SV2B: variants seen among roughly 807,000 people sequenced by gnomAD.
SV2B encodes synaptic vesicle glycoprotein 2B, also known as solute carrier family 22 member B2.
A neutral mutation model predicts 73.9 loss-of-function variants in SV2B; 41 were observed. That is an observed-to-expected ratio of 0.56 (90% CI 0.43 to 0.72). SV2B has a LOEUF of 0.72. Ranked by LOEUF, SV2B falls within the 30% of genes least tolerant of loss-of-function variation. SV2B has a pLI of 0.00. For missense variants in SV2B, 764 were observed against 857.8 expected (o/e 0.89, Z 1.37); for synonymous variants, 314 against 314.2 (o/e 1.00, Z 0.01).
intron 9 of SV2B, among the ~76,000 whole-genome samples, chr15:91,277,258 T>C (rs764371598): frequency 1.3e-4 from 20 of 152,326 alleles, no homozygotes; most frequent in Non-Finnish European, 2.2e-4. Flanking sequence ...GTTAAGAAAA[T>C]CTAGGCAGTA....
chr15:91,127,382 T>C (rs1293127975), intron 1 of SV2B, among the ~76,000 whole-genome samples: 1 of 151,920 alleles, frequency 6.6e-6, no homozygotes, highest in African/African-American at 2.4e-5. Context: ...GCCCTTTGTG[T>C]GGCTGTTCCA....
intron 1 of SV2B, among the ~76,000 whole-genome samples, chr15:91,154,073 A>G (rs1412050760): frequency 6.7e-6 from 1 of 149,568 alleles, no homozygotes; most frequent in African/African-American, 2.4e-5. Context: ...GTCTCTTTAT[A>G]TTATTTTATA....
chr15:91,263,809 C>T (rs1282962263), intron 6 of SV2B, among the ~76,000 whole-genome samples: 2 of 152,228 alleles, frequency 1.3e-5, no homozygotes, highest in South Asian at 2.1e-4. Flanking sequence ...GCAGCCTTCT[C>T]CTTCCTTTCT....
At position 91,223,522 on chromosome 15, in the gene SV2B, T is replaced by G. The variant is rs1036383451; in HGVS notation, c.-391-2351T>G. 2.0e-5 allele frequency among the ~76,000 whole-genome samples: 3 copies of G among 152,084 alleles called. No homozygotes were observed. The highest frequency in any genetic ancestry group is 2.0e-4 in the Admixed American group (3 of 15,278). On this transcript the variant is annotated intron_variant, in intron 1 of 12. Transcript: ENST00000394232. The surrounding 1 kb of genome is among the most constrained non-coding windows in gnomAD (Gnocchi z 4.6). ...CTGGGTGGTGAGTCCCACAAGTGCT[T>G]TTGGAATTGCAAGTCTATCATTTCT...
chr15:91,256,627 A>G (rs904165129), intron 4 of SV2B, among the ~76,000 whole-genome samples: 1 of 152,224 alleles, frequency 6.6e-6, no homozygotes, highest in Non-Finnish European at 1.5e-5. Flanking sequence ...TTTAATTAAA[A>G]TTAAAGTGAA....
intron 1 of SV2B, among the ~76,000 whole-genome samples, chr15:91,111,903 A>G (rs2042045376): frequency 1.3e-5 from 2 of 152,166 alleles, no homozygotes; most frequent in Admixed American, 6.5e-5. Flanking sequence ...TTAAGTGATT[A>G]GATCTCATGA....
In SV2B at chr15:91,192,787, C is replaced by T. The variant is rs148455926; in HGVS notation, c.-391-33086C>T. ...TCGTAGTGGACAGATGAATGACTTT[C>T]AGTAACTTCTTTTTACGATGCAGAC... is the stretch of plus-strand genomic sequence containing the variant. On this transcript the variant is annotated intron_variant, in intron 1 of 12. Transcript: ENST00000394232. Among the ~76,000 whole-genome samples, 173 of 152,288 alleles carry T rather than the reference C, an allele frequency of 1.1e-3. No homozygotes were observed. The East Asian group carries it at 0.03, about 26-fold the overall frequency.
Position 91,171,000 on chromosome 15 carries a change from G to A in SV2B, c.-391-54873G>A, listed in dbSNP as rs149566720. Among the ~76,000 whole-genome samples the A allele has an allele frequency of 3.9e-3, 596 of 152,264 alleles. 3 individuals are homozygous for A. The highest frequency in any genetic ancestry group is 0.014 in the Middle Eastern group (4 of 294). On this transcript the variant is annotated intron_variant, in intron 1 of 12. Coordinates refer to ENST00000394232, the MANE Select transcript of SV2B (RefSeq NM_001323032.3). Reference sequence around the variant, plus strand: ...GGTGCCATTGCACATTTAAGTCTTCGCAGCAGCTCTGTCCATTTTGCAGAT... The same window carrying A: ...GGTGCCATTGCACATTTAAGTCTTCACAGCAGCTCTGTCCATTTTGCAGAT...
Position 91,220,590 on chromosome 15 carries a change from A to G in SV2B, c.-391-5283A>G, listed in dbSNP as rs117179985. On this transcript the variant is annotated intron_variant, in intron 1 of 12. Coordinates refer to ENST00000394232, the MANE Select transcript of SV2B (RefSeq NM_001323032.3). The surrounding 1 kb of genome is among the most constrained non-coding windows in gnomAD (Gnocchi z 4.1). The stretch of plus-strand genomic sequence containing the variant: ...GTAATAAGCAAGAGTTTGCTGCACA[A>G]TGATTTTGAGTCATATAGCATAGAT... Among the ~76,000 whole-genome samples the G allele has an allele frequency of 8.4e-4, 128 of 152,352 alleles. 1 individual carries two copies. Among genetic ancestry groups the G allele is most frequent in the Non-Finnish European group, 1.5e-3 (103 of 68,030 alleles).
intron 1 of SV2B, among the ~76,000 whole-genome samples, chr15:91,101,237 T>A (rs954529145): frequency 1.3e-5 from 2 of 150,166 alleles, no homozygotes; most frequent in Admixed American, 6.6e-5. Flanking sequence ...GAGTGGCAGG[T>A]GAGGGGTAAG....
rs2048762842 is a variant in SV2B, at chr15:91,283,829, A to AT, written c.1508-187dup. 1.5e-5 allele frequency among the ~76,000 whole-genome samples: 2 copies of AT among 133,742 alleles called. No homozygotes were observed. The highest frequency in any genetic ancestry group is 1.4e-4 in the Admixed American group (2 of 14,030). The allele number at this position is 133,742 out of a possible 152,430, so 87.7% of individuals were successfully genotyped here. A position where few individuals can be genotyped will look rare whatever the true frequency, so the allele number is the denominator to read the frequency against. On this transcript the variant is annotated intron_variant, in intron 10 of 12. Transcript: ENST00000394232. The surrounding 1 kb of genome is among the most constrained non-coding windows in gnomAD (Gnocchi z 4.3). ...TTTAGGAACTTGAACAGGTCATTAC[A>AT]TTTTTGGAAGTTTCTCTCCTCATCC...
chr15:91,279,073 A>G (rs2048598757), intron 9 of SV2B, among the ~76,000 whole-genome samples: 1 of 152,190 alleles, frequency 6.6e-6, no homozygotes, highest in African/African-American at 2.4e-5. Flanking sequence ...TCTGGAATAC[A>G]TGTCCTTATC....
rs985093596 is a variant in SV2B at position 91,128,576 on chromosome 15, T to G, written c.-392+28213T>G. 4 of 152,176 alleles carry G rather than the reference T, an allele frequency of 2.6e-5. No homozygotes were observed. The highest frequency in any genetic ancestry group is 2.6e-4 in the Admixed American group (4 of 15,278). 9.4% of individuals were successfully genotyped at this position (152,176 alleles called of 1,614,324 possible). A position where few individuals can be genotyped will look rare whatever the true frequency, so the allele number is the denominator to read the frequency against. ...GGCTAGCCATAGAAACTAGAATCCT[T>G]CTTTCCCAGGGCAGATCATAGAAAC... On this transcript the variant is annotated intron_variant, in intron 1 of 12. Coordinates refer to ENST00000394232, the MANE Select transcript of SV2B (RefSeq NM_001323032.3). This position sits in a 1 kb window ranked among gnomAD's most constrained non-coding sequence, Gnocchi z 4.2.
At chr15:91,120,368 A>AC (rs1322912909) in intron 1 of SV2B, among the ~76,000 whole-genome samples, 1 of 152,138 alleles carries the variant, frequency 6.6e-6, no homozygotes, top group East Asian at 1.9e-4. Flanking sequence ...TATCGTGAAA[A>AC]CAGCATGGGG....
At chr15:91,221,456 AT>A (rs899295201) in intron 1 of SV2B, among the ~76,000 whole-genome samples, 3 of 151,998 alleles carry the variant, frequency 2.0e-5, no homozygotes, top group African/African-American at 4.8e-5. Context: ...CTGAAAAAAT[AT>A]TTTTTTTAAA....
At chr15:91,287,379 C>T (rs112830855) in intron 11 of SV2B, among the ~76,000 whole-genome samples, 27 of 152,272 alleles carry the variant, frequency 1.8e-4, no homozygotes, top group African/African-American at 4.8e-4. Context: ...CCCTGTGTCC[C>T]GGTTGGTTGT....
intron 2 of SV2B, among the ~76,000 whole-genome samples, chr15:91,238,168 T>A (rs1420072488): frequency 1.3e-5 from 2 of 152,358 alleles, no homozygotes; most frequent in East Asian, 3.9e-4. Context: ...CTGTCTTATA[T>A]AACCTGTTCC....
intron 1 of SV2B, among the ~76,000 whole-genome samples, chr15:91,119,849 T>C (rs186318726): frequency 3.5e-4 from 53 of 152,366 alleles, no homozygotes; most frequent in Admixed American, 6.5e-4. Context: ...GATTGAGCAC[T>C]TTTATTTATT....
At chr15:91,113,943 C>G (rs1052556688) in intron 1 of SV2B, among the ~76,000 whole-genome samples, 2 of 152,092 alleles carry the variant, frequency 1.3e-5, no homozygotes, top group African/African-American at 4.8e-5. Context: ...ACTATAGATT[C>G]CCTGAGAGAA....
Sources: allele counts gnomAD v4.1 joint callset (sites outside exome capture counted in the v4.1 genomes callset), GRCh38; gene constraint gnomAD v4.1.1; non-coding constraint Gnocchi (gnomAD v3.1); transcripts MANE v1.5; gene names NCBI Gene and HGNC (gene_info 2026-07-23, HGNC 2026-07-21).